Variants in SYT9 observed in about 807,000 individuals in gnomAD.
The protein encoded by SYT9 is synaptotagmin-9.
Under a neutral mutation model 48.4 loss-of-function variants are expected in SYT9, and 22 were observed. The observed-to-expected ratio is 0.45, with a 90% CI of 0.32 to 0.65. The LOEUF (loss-of-function observed/expected upper bound fraction) is 0.65, where lower values mean the gene tolerates loss of function less well. Ranked by LOEUF, SYT9 falls within the 30% of genes least tolerant of loss-of-function variation. SYT9 has a pLI of 0.03. For synonymous variants in SYT9, 265 were observed against 245.0 expected, an observed-to-expected ratio of 1.08 and a Z score of -0.76; for missense variants, 577 against 622.0, an observed-to-expected ratio of 0.93 and a Z score of 0.77.
At chr11:7,262,294 G>C (rs560227344) in intron 1 of SYT9, among the ~76,000 whole-genome samples, 7 of 152,146 alleles carry the variant, frequency 4.6e-5, no homozygotes, top group Non-Finnish European at 1.0e-4. Flanking sequence ...AGTTCTTGAT[G>C]TGGGATATTG....
At chr11:7,309,326 A>G (rs1456558092) in intron 2 of SYT9, among the ~76,000 whole-genome samples, 1 of 152,108 alleles carries the variant, frequency 6.6e-6, no homozygotes, top group Non-Finnish European at 1.5e-5. Flanking sequence ...CTTCTGACCC[A>G]CTGTCGTTGG....
chr11:7,450,632 G>C (rs1241008151), intron 6 of SYT9, among the ~76,000 whole-genome samples: 2 of 152,222 alleles, frequency 1.3e-5, no homozygotes, highest in Non-Finnish European at 2.9e-5. Context: ...GTTGGACATA[G>C]CTACCAAGCT....
chr11:7,267,953 A>T (rs1276384409), intron 1 of SYT9, among the ~76,000 whole-genome samples: 1 of 152,078 alleles, frequency 6.6e-6, no homozygotes, highest in Non-Finnish European at 1.5e-5. Flanking sequence ...AATGGCATAC[A>T]TGCCAATGAT....
intron 3 of SYT9, among the ~76,000 whole-genome samples, chr11:7,401,514 T>G (rs992451181): frequency 1.3e-5 from 2 of 151,744 alleles, no homozygotes; most frequent in African/African-American, 4.8e-5. Flanking sequence ...CTTAACGATC[T>G]GGAGTATTCT....
At chr11:7,418,842 A>G (rs1189694394) in intron 5 of SYT9, among the ~76,000 whole-genome samples, 1 of 152,254 alleles carries the variant, frequency 6.6e-6, no homozygotes, top group African/African-American at 2.4e-5. Context: ...TACATGTTAA[A>G]CCAGTCATTA....
At chr11:7,381,432 A>G (rs146210815) in intron 3 of SYT9, among the ~76,000 whole-genome samples, 1 of 152,294 alleles carries the variant, frequency 6.6e-6, no homozygotes, top group Non-Finnish European at 1.5e-5. Context: ...ATTTACCTAT[A>G]TGGTTTCCCT....
intron 3 of SYT9, among the ~76,000 whole-genome samples, chr11:7,351,955 G>T (rs753307270): frequency 2.0e-5 from 3 of 152,148 alleles, no homozygotes; most frequent in Non-Finnish European, 4.4e-5. Context: ...CTACAGGAGT[G>T]GTGGGAACAG....
At chr11:7,437,989 G>T (rs931680491) in intron 6 of SYT9, 1 of 152,230 alleles carries the variant, frequency 6.6e-6, no homozygotes, top group East Asian at 1.9e-4. Flanking sequence ...ATTCCTGCTA[G>T]GTTGCGAATA....
Position 7,303,189 on chromosome 11 carries a change from T to A in SYT9, c.296T>A (p.Leu99His). 1 of 1,614,066 alleles carries A rather than the reference T, an allele frequency of 6.2e-7. No homozygotes were observed. The highest frequency in any genetic ancestry group is 8.5e-7 in the Non-Finnish European group (1 of 1,179,992). The change falls in exon 2 of 7, where the codon CTT becomes CAT. Residue 99 changes from leucine (L) to histidine (H), a missense_variant. By Grantham distance (99) the Leu-to-His change is moderately conservative. Coordinates refer to ENST00000318881, the MANE Select transcript of SYT9 (RefSeq NM_175733.4). ...AGCAAAGACAACAACCAGGAGCCCC[T>A]TAACTACATGGACACAGAGACCAAT... ...SGSKDNNQEP[L>H]NYMDTETNEQ...
At chr11:7,384,752 G>A (rs898812285) in intron 3 of SYT9, among the ~76,000 whole-genome samples, 1 of 152,076 alleles carries the variant, frequency 6.6e-6, no homozygotes, top group African/African-American at 2.4e-5. Context: ...CAGAGCACAA[G>A]CAAAAATCCT....
intron 3 of SYT9, among the ~76,000 whole-genome samples, chr11:7,403,133 T>C (rs999986118): frequency 1.3e-5 from 2 of 152,224 alleles, no homozygotes; most frequent in African/African-American, 4.8e-5. Flanking sequence ...AGATATTTAG[T>C]GCTGTAAATT....
chr11:7,416,271 A>G (rs562456700), intron 4 of SYT9, 109 bp downstream of exon 4: 3 of 1,364,866 alleles, frequency 2.2e-6, no homozygotes, highest in Admixed American at 3.6e-5. Context: ...CAGACTGCCT[A>G]GGCTTAGCCC....
chr11:7,271,824 C>T (rs1258793967), intron 1 of SYT9, among the ~76,000 whole-genome samples: 2 of 152,182 alleles, frequency 1.3e-5, no homozygotes, highest in Non-Finnish European at 1.5e-5. Context: ...GATCTGCCCG[C>T]CTCGGCCTCC....
At chr11:7,295,808 T>A (rs1003115540) in intron 1 of SYT9, among the ~76,000 whole-genome samples, 3 of 152,216 alleles carry the variant, frequency 2.0e-5, no homozygotes, top group Non-Finnish European at 2.9e-5. Flanking sequence ...ACTCTATAAA[T>A]TGCAACTAGC....
At chr11:7,306,737 T>G (rs1031818865) in intron 2 of SYT9, among the ~76,000 whole-genome samples, 9 of 152,180 alleles carry the variant, frequency 5.9e-5, no homozygotes, top group Non-Finnish European at 1.3e-4. Context: ...GAAGTCTGTG[T>G]TCTGTCCCCC....
chr11:7,323,630 G>C lies in SYT9; in HGVS notation c.1044+9689G>C, dbSNP rs1371393952. ...GAATGGATATTGAATTTTATCAGTT[G>C]ATTTTCTGTATCTATTGAGAGAATC... On this transcript the variant is annotated intron_variant, in intron 3 of 6. Transcript: ENST00000318881. 2.6e-5 allele frequency among the ~76,000 whole-genome samples: 4 copies of C among 151,762 alleles called. No individual in the cohort carries two copies. The East Asian group carries it at 7.7e-4, about 29-fold the overall frequency.
chr11:7,313,348 A>G (rs779479176), intron 2 of SYT9, 47 bp from the exon 3 acceptor site: 2 of 1,536,312 alleles, frequency 1.3e-6, no homozygotes, highest in African/African-American at 1.4e-5. Flanking sequence ...TGAGAGACCC[A>G]TAGCTAATAA....
chr11:7,331,024 C>A (rs1370467269), intron 3 of SYT9, among the ~76,000 whole-genome samples: 1 of 151,856 alleles, frequency 6.6e-6, no homozygotes, highest in Non-Finnish European at 1.5e-5. Context: ...GTCTCGAACT[C>A]CTGACTCAAG....
chr11:7,358,447 A>T (rs1564875115), intron 3 of SYT9, among the ~76,000 whole-genome samples: 1 of 152,010 alleles, frequency 6.6e-6, no homozygotes, highest in South Asian at 2.1e-4. Flanking sequence ...GCTGATTATT[A>T]TTTTTCTTAA....
Sources: gnomAD v4.1 joint callset for allele counts (sites outside exome capture counted in the v4.1 genomes callset) on GRCh38, gnomAD v4.1.1 for gene constraint, MANE v1.5 for transcripts, NCBI Gene and HGNC (gene_info 2026-07-23, HGNC 2026-07-21) for gene names.